ADARB2: variants seen among roughly 807,000 people sequenced by gnomAD.
The protein encoded by ADARB2 is inactive double-stranded RNA-specific editase B2.
ADARB2 carries 25 observed loss-of-function variants against 62.2 expected under a neutral mutation model. The ratio of observed to expected loss-of-function variants is 0.40; its 90% CI spans 0.29 to 0.56. The LOEUF (loss-of-function observed/expected upper bound fraction) is 0.56, where lower values mean the gene tolerates loss of function less well. Ranked by LOEUF, ADARB2 falls within the 20% of genes least tolerant of loss-of-function variation. The probability of loss-of-function intolerance (pLI) is 0.43; values close to 1 mark genes in which losing one functional copy is unlikely to be tolerated. For synonymous variants in ADARB2, 572 were observed against 500.8 expected, an observed-to-expected ratio of 1.14 and a Z score of -1.90; for missense variants, 1,071 against 1,077.4, an observed-to-expected ratio of 0.99 and a Z score of 0.08.
chr10:1,508,133 C>T (rs889860713), intron 1 of ADARB2, among the ~76,000 whole-genome samples: 2 of 152,200 alleles, frequency 1.3e-5, no homozygotes, highest in Non-Finnish European at 1.5e-5. Flanking sequence ...CAGCAGCACA[C>T]GGCCAGCGAG....
intron 7 of ADARB2, among the ~76,000 whole-genome samples, chr10:1,212,011 A>G (rs1029752306): frequency 2.0e-5 from 3 of 152,156 alleles, no homozygotes; most frequent in Admixed American, 6.5e-5. Flanking sequence ...TGCGCCGGGC[A>G]TGGTGCCTCA....
chr10:1,644,470 A>T (rs1331800158), intron 1 of ADARB2, among the ~76,000 whole-genome samples: 2 of 152,242 alleles, frequency 1.3e-5, no homozygotes, highest in Non-Finnish European at 2.9e-5. Flanking sequence ...GGAGAAGGAG[A>T]AGGACAAAGG....
At chr10:1,464,878 C>G (rs1298742638) in intron 1 of ADARB2, among the ~76,000 whole-genome samples, 1 of 152,260 alleles carries the variant, frequency 6.6e-6, no homozygotes, top group Non-Finnish European at 1.5e-5. Flanking sequence ...GCGGAGGCCC[C>G]GGTGACACCA....
chr10:1,432,846 T>C (rs112076813), intron 1 of ADARB2, among the ~76,000 whole-genome samples: 3,702 of 152,026 alleles, frequency 0.024, 112 homozygotes, highest in African/African-American at 0.075. Flanking sequence ...GGCCCAGGCA[T>C]CCCCCAAGGG....
At chr10:1,374,539 G>A (rs970234889) in intron 2 of ADARB2, among the ~76,000 whole-genome samples, 12 of 152,190 alleles carry the variant, frequency 7.9e-5, no homozygotes, top group African/African-American at 2.9e-4. Context: ...GTGCAAAGCC[G>A]GATGGCCTAG....
At chr10:1,285,705 A>G (rs1045787850) in intron 3 of ADARB2, among the ~76,000 whole-genome samples, 9 of 152,206 alleles carry the variant, frequency 5.9e-5, no homozygotes, top group African/African-American at 2.2e-4. Flanking sequence ...TACCATGGCA[A>G]ATTACCAGCA....
chr10:1,616,515 C>T (rs1432400106), intron 1 of ADARB2, among the ~76,000 whole-genome samples: 1 of 147,926 alleles, frequency 6.8e-6, no homozygotes, highest in African/African-American at 2.5e-5. Flanking sequence ...GAACTGGCCT[C>T]AGAGGGTTGC....
At chr10:1,568,764 C>G (rs1171050908) in intron 1 of ADARB2, among the ~76,000 whole-genome samples, 1 of 151,966 alleles carries the variant, frequency 6.6e-6, no homozygotes, top group African/African-American at 2.4e-5. Context: ...ACTTTTGAAT[C>G]TAAACTTCTG....
chr10:1,605,495 A>G (rs910457766), intron 1 of ADARB2, among the ~76,000 whole-genome samples: 6 of 152,222 alleles, frequency 3.9e-5, no homozygotes, highest in Non-Finnish European at 7.4e-5. Flanking sequence ...GGATTCAGTA[A>G]AAAGTCCAGG....
At chr10:1,655,280 C>T (rs924909796) in intron 1 of ADARB2, among the ~76,000 whole-genome samples, 2 of 152,204 alleles carry the variant, frequency 1.3e-5, no homozygotes, top group African/African-American at 4.8e-5. Flanking sequence ...AAGCTCCATG[C>T]TGTGGAAAGC....
chr10:1,666,943 C>T (rs1241540440), intron 1 of ADARB2, among the ~76,000 whole-genome samples: 3 of 152,278 alleles, frequency 2.0e-5, no homozygotes, highest in East Asian at 3.9e-4. Flanking sequence ...TGTCTGTTTA[C>T]GTACTTTCAG....
At chr10:1,695,642 CAT>C (rs948125603) in intron 1 of ADARB2, among the ~76,000 whole-genome samples, 21 of 151,932 alleles carry the variant, frequency 1.4e-4, no homozygotes, top group Admixed American at 9.8e-4. Context: ...CATGTATACA[CAT>C]AAACATGCAT....
At chr10:1,566,349 ATG>A (rs1832862297) in intron 1 of ADARB2, among the ~76,000 whole-genome samples, 2 of 152,184 alleles carry the variant, frequency 1.3e-5, no homozygotes, top group South Asian at 4.1e-4. Context: ...CAGTCTACAC[ATG>A]TGTCTCCTTT....
chr10:1,551,104 C>T (rs1009464827), intron 1 of ADARB2, among the ~76,000 whole-genome samples: 2 of 152,118 alleles, frequency 1.3e-5, no homozygotes, highest in Non-Finnish European at 2.9e-5. Flanking sequence ...GACCCTGGTC[C>T]AACCTGCCTG....
intron 1 of ADARB2, among the ~76,000 whole-genome samples, chr10:1,459,979 G>A (rs2813423): frequency 0.4 from 29,584 of 73,430 alleles, 4,511 homozygotes; most frequent in Middle Eastern, 0.53. Flanking sequence ...TACCTGTGTA[G>A]CAAACCTGCC....
At chr10:1,490,497 C>G (rs1232246110) in intron 1 of ADARB2, among the ~76,000 whole-genome samples, 1 of 152,080 alleles carries the variant, frequency 6.6e-6, no homozygotes, top group Non-Finnish European at 1.5e-5. Context: ...CTCTGTGGCC[C>G]AGGCTGGAGT....
At chr10:1,588,323 T>C (rs1368581186) in intron 1 of ADARB2, among the ~76,000 whole-genome samples, 2 of 152,134 alleles carry the variant, frequency 1.3e-5, no homozygotes, top group East Asian at 1.9e-4. Context: ...GTCAAGGTGG[T>C]TTTTTATCTG....
chr10:1,297,539 C>A (rs1831534051), intron 3 of ADARB2, among the ~76,000 whole-genome samples: 1 of 152,204 alleles, frequency 6.6e-6, no homozygotes, highest in Non-Finnish European at 1.5e-5. Context: ...CCGAAGAGCC[C>A]TCTGACCCAG....
chr10:1,450,700 G>A (rs1831026046), intron 1 of ADARB2, among the ~76,000 whole-genome samples: 1 of 152,242 alleles, frequency 6.6e-6, no homozygotes, highest in African/African-American at 2.4e-5. Flanking sequence ...CAGGGAACAT[G>A]GGTGAGTGGC....
Sources: allele counts gnomAD v4.1 joint callset (sites outside exome capture counted in the v4.1 genomes callset), GRCh38; gene constraint gnomAD v4.1.1; transcripts MANE v1.5; gene names NCBI Gene and HGNC (gene_info 2026-07-23, HGNC 2026-07-21).